The following MYO5A variants were observed in gnomAD, a reference collection of about 807,000 sequenced individuals.
The protein encoded by MYO5A is myosin VA.
Under a neutral mutation model 249.7 loss-of-function variants are expected in MYO5A, and 98 were observed. The observed-to-expected ratio is 0.39, with a 90% CI of 0.33 to 0.46. The LOEUF (loss-of-function observed/expected upper bound fraction) is 0.46. MYO5A is among the 20% of genes least tolerant of loss of function. The probability of loss-of-function intolerance (pLI) is 0.98; values close to 1 mark genes in which losing one functional copy is unlikely to be tolerated. For missense variants in MYO5A, 1,696 were observed against 2,308.8 expected (o/e 0.73, Z 5.44); for synonymous variants, 778 against 810.6 (o/e 0.96, Z 0.68).
chr15:52,521,932 A>G (rs1364634146), intron 1 of MYO5A, among the ~76,000 whole-genome samples: 1 of 152,266 alleles, frequency 6.6e-6, no homozygotes, highest in East Asian at 1.9e-4. Flanking sequence ...AAAGGCAGAC[A>G]TCATTAATAA....
rs3985806 is a variant in MYO5A at position 52,367,870 on chromosome 15, AACACACAC to A, written c.3067-754_3067-747del. The stretch of plus-strand genomic sequence containing the variant: ...AAATTTTATGTCATGTATATTTTAA[AACACACAC>A]ACACACACACACACACACACACACA... On this transcript the variant is annotated intron_variant, in intron 22 of 41. Transcript: ENST00000399233. 5.5e-3 allele frequency among the ~76,000 whole-genome samples: 774 copies of A among 141,838 alleles called. 1 individual carries two copies. The highest frequency in any genetic ancestry group is 9.5e-3 in the African/African-American group (358 of 37,544). 93.1% of individuals were successfully genotyped at this position (141,838 alleles called of 152,430 possible). A position where few individuals can be genotyped will look rare whatever the true frequency, so the allele number is the denominator to read the frequency against.
At chr15:52,526,561 A>G (rs2077733938) in intron 1 of MYO5A, among the ~76,000 whole-genome samples, 1 of 152,086 alleles carries the variant, frequency 6.6e-6, no homozygotes, top group Non-Finnish European at 1.5e-5. Flanking sequence ...GGGTTTTGCC[A>G]TGTTGGTCAA....
At chr15:52,448,198 C>T (rs548398948) in intron 1 of MYO5A, among the ~76,000 whole-genome samples, 3 of 152,210 alleles carry the variant, frequency 2.0e-5, no homozygotes, top group Non-Finnish European at 2.9e-5. Context: ...GCCTTGTGGG[C>T]CCACTCCTTG....
At chr15:52,454,334 G>A (rs2076077478) in intron 1 of MYO5A, among the ~76,000 whole-genome samples, 1 of 152,052 alleles carries the variant, frequency 6.6e-6, no homozygotes, top group East Asian at 1.9e-4. Context: ...TAATATCTAT[G>A]CACCCAACAC....
chr15:52,399,704 T>C (rs2042660294), intron 9 of MYO5A, among the ~76,000 whole-genome samples: 1 of 152,170 alleles, frequency 6.6e-6, no homozygotes, highest in Non-Finnish European at 1.5e-5. Flanking sequence ...TGCAGCTTTG[T>C]GCACATGTAC....
chr15:52,455,446 C>A (rs1018434278), intron 1 of MYO5A, among the ~76,000 whole-genome samples: 2 of 152,020 alleles, frequency 1.3e-5, no homozygotes, highest in African/African-American at 4.8e-5. Context: ...GGGAATAGTT[C>A]CGAACTCATT....
intron 3 of MYO5A, among the ~76,000 whole-genome samples, chr15:52,426,188 T>C (rs1044030531): frequency 2.0e-5 from 3 of 152,230 alleles, no homozygotes; most frequent in Non-Finnish European, 4.4e-5. Context: ...ATTTAAAAAC[T>C]GGACTAGGTG....
At chr15:52,397,585 C>A in intron 9 of MYO5A, 119 bp from the exon 10 acceptor site, 1 of 1,155,728 alleles carries the variant, frequency 8.7e-7, no homozygotes, top group Non-Finnish European at 1.3e-6. Context: ...TAACAAACAC[C>A]AAGATCACTC....
At chr15:52,330,254 T>G in intron 35 of MYO5A, 99 bp downstream of exon 35, 1 of 1,490,890 alleles carries the variant, frequency 6.7e-7, no homozygotes, top group Non-Finnish European at 9.3e-7. Context: ...TGATGACTAA[T>G]GAAACCTACG....
At chr15:52,527,099 C>A (rs1220223601) in intron 1 of MYO5A, among the ~76,000 whole-genome samples, 1 of 152,192 alleles carries the variant, frequency 6.6e-6, no homozygotes, top group Non-Finnish European at 1.5e-5. Flanking sequence ...TCAAAGCCGT[C>A]CTGGGCCCAC....
chr15:52,469,635 T>C (rs898456048), intron 1 of MYO5A, among the ~76,000 whole-genome samples: 1 of 152,210 alleles, frequency 6.6e-6, no homozygotes, highest in Non-Finnish European at 1.5e-5. Context: ...TGCTTTTCCA[T>C]TCTCTAAGAA....
rs147583242 is a variant in MYO5A at position 52,385,682 on chromosome 15, A to G, written c.1753-1360T>C. On this transcript the variant is annotated intron_variant, in intron 14 of 41. Transcript: ENST00000399233. ...TCCACACTGTATTACTACAAAAATAATTCTACTCAAAACACATAACACAGA... is the reference window on the plus strand; with the variant it reads ...TCCACACTGTATTACTACAAAAATAGTTCTACTCAAAACACATAACACAGA... 4.8e-3 allele frequency among the ~76,000 whole-genome samples: 732 copies of G among 152,308 alleles called. 4 individuals carry two copies. The highest frequency in any genetic ancestry group is 0.01 in the Middle Eastern group (3 of 294).
chr15:52,416,259 C>T lies in MYO5A; in HGVS notation c.498G>A (p.Gly166=), dbSNP rs1166835235. 1 of 1,613,978 alleles carries T rather than the reference C, an allele frequency of 6.2e-7. No homozygotes were observed. Among genetic ancestry groups the T allele is most frequent in the South Asian group, 1.1e-5 (1 of 91,076 alleles). The change falls in exon 5 of 42, where the codon GGG becomes GGA. Residue 166 remains glycine, a synonymous_variant. Coordinates refer to ENST00000399233, the MANE Select transcript of MYO5A (RefSeq NM_001382347.1). ...NQSIIVSGES[G]AGKTVSAKYA... ...ACTTAGCTGAGACTGTTTTTCCTGC[C>T]CCAGACTCTCCACTTACGATGATGG...
intron 4 of MYO5A, among the ~76,000 whole-genome samples, chr15:52,419,639 C>T (rs958610193): frequency 6.6e-6 from 1 of 152,134 alleles, no homozygotes; most frequent in Non-Finnish European, 1.5e-5. Flanking sequence ...GAGAGGCAGA[C>T]AGACTTCTCA....
intron 34 of MYO5A, among the ~76,000 whole-genome samples, chr15:52,332,922 G>T (rs1269395113): frequency 6.6e-6 from 1 of 152,148 alleles, no homozygotes; most frequent in Non-Finnish European, 1.5e-5. Context: ...CCGAGATCAC[G>T]CCACTGCACT....
chr15:52,370,185 T>C lies in MYO5A; in HGVS notation c.3050A>G (p.Lys1017Arg). ...KCIEEHADRY[K>R]QETEQLVSNL... ...TATTCCTACCTGCTCTGTTTCTTGT[T>C]TGTATCGATCTGCATGTTCCTCAAT... Residue 1017 changes from lysine to arginine, a missense_variant, in exon 22 of 42, where the codon AAA (lysine) becomes AGA (arginine). By Grantham distance (26) the Lys-to-Arg change is conservative (BLOSUM62 2). Transcript: ENST00000399233. 6.2e-7 allele frequency: 1 copy of C among 1,614,108 alleles called. No individual in the cohort carries two copies.
At chr15:52,505,787 A>G (rs1329142125) in intron 1 of MYO5A, 1 of 1,582,228 alleles carries the variant, frequency 6.3e-7, no homozygotes, top group African/African-American at 1.3e-5. Flanking sequence ...GTTGGAACAG[A>G]TATGCTGGAG....
At chr15:52,497,586 G>T (rs550339653) in intron 1 of MYO5A, among the ~76,000 whole-genome samples, 198 of 151,180 alleles carry the variant, frequency 1.3e-3, no homozygotes, top group Non-Finnish European at 2.0e-3. Context: ...ATGAAACACT[G>T]TCTCTACTGA....
intron 1 of MYO5A, among the ~76,000 whole-genome samples, chr15:52,479,839 G>C (rs1469056840): frequency 6.6e-6 from 1 of 152,166 alleles, no homozygotes; most frequent in Admixed American, 6.5e-5. Context: ...ACCTCTCTTA[G>C]ACCTCTCTGA....
Sources: gnomAD v4.1 joint callset for allele counts (sites outside exome capture counted in the v4.1 genomes callset) on GRCh38, gnomAD v4.1.1 for gene constraint, MANE v1.5 for transcripts, NCBI Gene and HGNC (gene_info 2026-07-23, HGNC 2026-07-21) for gene names.